The following GPC3 variants were observed in gnomAD, a reference collection of about 807,000 sequenced individuals.
GPC3 encodes the protein glypican-3.
Under a neutral mutation model 34.4 loss-of-function variants are expected in GPC3, and 3 were observed. That is an observed-to-expected ratio of 0.09 (90% CI 0.04 to 0.23). The LOEUF (loss-of-function observed/expected upper bound fraction) is 0.23. Among genes scored for constraint, GPC3 ranks in the 10% least tolerant of loss-of-function variants. The probability of loss-of-function intolerance (pLI) is 1.00; values close to 1 mark genes in which losing one functional copy is unlikely to be tolerated. For synonymous variants in GPC3, 177 were observed against 174.0 expected (o/e 1.02, Z -0.13); for missense variants, 351 against 445.6 (o/e 0.79, Z 1.91).
chrX:133,872,420 TG>T (rs1185285287), intron 2 of GPC3, among the ~76,000 whole-genome samples: 3 of 112,072 alleles, frequency 2.7e-5, no homozygotes, highest in Non-Finnish European at 5.6e-5. Context: ...TTCCTGTTTT[TG>T]TAAGTGTAAC....
intron 6 of GPC3, among the ~76,000 whole-genome samples, chrX:133,597,455 T>G (rs917033806): frequency 5.4e-5 from 6 of 111,729 alleles, no homozygotes; most frequent in African/African-American, 2.0e-4. Flanking sequence ...CACCCATTTC[T>G]CATCCTAAAT....
intron 2 of GPC3, among the ~76,000 whole-genome samples, chrX:133,758,415 T>C (rs1418270283): frequency 9.0e-6 from 1 of 111,509 alleles, no homozygotes; most frequent in Non-Finnish European, 1.9e-5. Context: ...TGAATGGAGC[T>C]GGAAGCTGTT....
chrX:133,828,343 G>T (rs2075759510), intron 2 of GPC3, among the ~76,000 whole-genome samples: 1 of 110,448 alleles, frequency 9.1e-6, no homozygotes, highest in South Asian at 3.9e-4. Flanking sequence ...TTTTAGTAGA[G>T]ATGGGGTTTC....
chrX:133,819,332 C>T (rs764959309), intron 2 of GPC3, among the ~76,000 whole-genome samples: 61 of 107,895 alleles, frequency 5.7e-4, no homozygotes, highest in African/African-American at 1.9e-3. Context: ...CCTGACAGTC[C>T]CTTCCCTTCT....
intron 2 of GPC3, chrX:133,763,761 C>T: frequency 2.2e-6 from 1 of 447,217 alleles, no homozygotes. Context: ...AAAAAAAAGT[C>T]AAAAAACAAC....
At chrX:133,721,323 C>T (rs1338527881) in intron 3 of GPC3, among the ~76,000 whole-genome samples, 5 of 107,054 alleles carry the variant, frequency 4.7e-5, no homozygotes, top group African/African-American at 1.0e-4. Context: ...GGAATGAGAG[C>T]GAGGACACTA....
intron 3 of GPC3, among the ~76,000 whole-genome samples, chrX:133,711,118 CCTCT>C (rs1390343075): frequency 2.7e-5 from 3 of 111,934 alleles, no homozygotes; most frequent in African/African-American, 9.7e-5. Flanking sequence ...TTTCTCCCTC[CCTCT>C]AACTTCTCTA....
chrX:133,968,156 C>T (rs1024588500), intron 1 of GPC3, among the ~76,000 whole-genome samples: 1 of 112,362 alleles, frequency 8.9e-6, no homozygotes, highest in Non-Finnish European at 1.9e-5. Flanking sequence ...CCCCAGGCTG[C>T]TGGGCTGCCT....
At chrX:133,905,015 C>A (rs968505432) in intron 2 of GPC3, among the ~76,000 whole-genome samples, 1 of 112,036 alleles carries the variant, frequency 8.9e-6, no homozygotes, top group Non-Finnish European at 1.9e-5. Context: ...TCGTCTCCAC[C>A]CCACGGGGTA....
At position 133,952,680 on chromosome X, in the gene GPC3, T is replaced by G. The variant is rs941334526; in HGVS notation, c.337+370A>C. Among the ~76,000 whole-genome samples, 7 of 112,383 alleles carry G rather than the reference T, an allele frequency of 6.2e-5. No individual in the cohort carries two copies. In the Admixed American group the frequency reaches 6.6e-4, roughly 11 times the overall value. Reference sequence around the variant, plus strand: ...TCCTAGTGGTCAGAAGGAGTCCACATGTATCCCACAAGCATCTAACTCATT... The same window carrying G: ...TCCTAGTGGTCAGAAGGAGTCCACAGGTATCCCACAAGCATCTAACTCATT... On this transcript the variant is annotated intron_variant, in intron 2 of 7. Coordinates refer to ENST00000370818, the MANE Select transcript of GPC3 (RefSeq NM_004484.4).
At chrX:133,624,816 C>T (rs2070280652) in intron 6 of GPC3, among the ~76,000 whole-genome samples, 1 of 110,778 alleles carries the variant, frequency 9.0e-6, no homozygotes, top group Admixed American at 9.6e-5. Context: ...TTTTATGAGG[C>T]CAGTAGTCTC....
At chrX:133,934,840 A>T (rs1353580168) in intron 2 of GPC3, among the ~76,000 whole-genome samples, 1 of 111,039 alleles carries the variant, frequency 9.0e-6, no homozygotes. Context: ...TAAATTATCC[A>T]GTCTCAGGTA....
intron 3 of GPC3, among the ~76,000 whole-genome samples, chrX:133,751,829 G>A (rs1012803053): frequency 3.6e-5 from 4 of 112,044 alleles, no homozygotes. Context: ...TCAGTAGAGT[G>A]TCTACAGTGT....
chrX:133,838,047 C>T (rs748763647), intron 2 of GPC3, among the ~76,000 whole-genome samples: 2 of 112,274 alleles, frequency 1.8e-5, no homozygotes, highest in South Asian at 3.7e-4. Flanking sequence ...TAAATGTCTA[C>T]AGAAAACTGA....
chrX:133,771,929 C>T (rs1381447986), intron 2 of GPC3, among the ~76,000 whole-genome samples: 4 of 111,451 alleles, frequency 3.6e-5, no homozygotes, highest in African/African-American at 1.3e-4. Context: ...TAGCTTGCTC[C>T]ATTCCTATGC....
chrX:133,647,751 T>C (rs2070558778), intron 6 of GPC3, among the ~76,000 whole-genome samples: 1 of 111,533 alleles, frequency 9.0e-6, no homozygotes, highest in Non-Finnish European at 1.9e-5. Flanking sequence ...CTATAATCTC[T>C]CTCGATCTTT....
intron 1 of GPC3, among the ~76,000 whole-genome samples, chrX:133,956,312 C>A (rs2076416115): frequency 8.9e-6 from 1 of 112,427 alleles, no homozygotes; most frequent in South Asian, 3.7e-4. Context: ...TGATTATCTT[C>A]AGAAAAAGTA....
chrX:133,728,281 T>C (rs975935537), intron 3 of GPC3, among the ~76,000 whole-genome samples: 3 of 111,186 alleles, frequency 2.7e-5, no homozygotes, highest in Admixed American at 9.6e-5. Context: ...CTGTAGCAGG[T>C]TTTCCCTTAA....
intron 2 of GPC3, among the ~76,000 whole-genome samples, chrX:133,869,356 TAGTA>T (rs1295202456): frequency 8.9e-6 from 1 of 112,067 alleles, no homozygotes; most frequent in Non-Finnish European, 1.9e-5. Flanking sequence ...AAATCAACCC[TAGTA>T]AGTAATAGCA....
Sources: gnomAD v4.1 joint callset for allele counts (sites outside exome capture counted in the v4.1 genomes callset) on GRCh38, gnomAD v4.1.1 for gene constraint, MANE v1.5 for transcripts, NCBI Gene and HGNC (gene_info 2026-07-23, HGNC 2026-07-21) for gene names.